Variants in INPP4B observed in about 807,000 individuals in gnomAD.
INPP4B encodes inositol polyphosphate 4-phosphatase type II.
INPP4B carries 55 observed loss-of-function variants against 122.5 expected under a neutral mutation model. The ratio of observed to expected loss-of-function variants is 0.45; its 90% CI spans 0.36 to 0.56. INPP4B has a LOEUF of 0.56. Among genes scored for constraint, INPP4B ranks in the 20% least tolerant of loss-of-function variants. The pLI is 0.00. For missense variants in INPP4B, 1,000 were observed against 1,097.7 expected, an observed-to-expected ratio of 0.91 and a Z score of 1.26; for synonymous variants, 403 against 388.7, an observed-to-expected ratio of 1.04 and a Z score of -0.43.
chr4:142,362,390 A>G (rs1244652668), intron 7 of INPP4B, among the ~76,000 whole-genome samples: 1 of 152,044 alleles, frequency 6.6e-6, no homozygotes, highest in African/African-American at 2.4e-5. Context: ...CACTGTGAAG[A>G]GAAAAGAGAA....
At chr4:142,377,085 A>G (rs1213868747) in intron 7 of INPP4B, among the ~76,000 whole-genome samples, 1 of 150,692 alleles carries the variant, frequency 6.6e-6, no homozygotes, top group East Asian at 2.0e-4. Context: ...CTTAAGCCTT[A>G]ATTCGATTTC....
intron 14 of INPP4B, among the ~76,000 whole-genome samples, chr4:142,207,406 T>A (rs1843006858): frequency 6.6e-6 from 1 of 152,184 alleles, no homozygotes; most frequent in African/African-American, 2.4e-5. Flanking sequence ...ACATTTTCAC[T>A]AACGGTGTAC....
At chr4:142,192,279 G>GT (rs1338556982) in intron 15 of INPP4B, among the ~76,000 whole-genome samples, 1 of 61,258 alleles carries the variant, frequency 1.6e-5, no homozygotes, top group African/African-American at 5.0e-5. Flanking sequence ...ATTCACCATG[G>GT]TTAAAAAAAA....
At chr4:142,336,061 C>T (rs186719832) in intron 7 of INPP4B, among the ~76,000 whole-genome samples, 1 of 152,236 alleles carries the variant, frequency 6.6e-6, no homozygotes, top group Non-Finnish European at 1.5e-5. Context: ...AAACCCCAGA[C>T]TCAGCTACCC....
intron 2 of INPP4B, among the ~76,000 whole-genome samples, chr4:142,489,197 A>G (rs1300323865): frequency 6.6e-6 from 1 of 152,130 alleles, no homozygotes; most frequent in South Asian, 2.1e-4. Context: ...GTTTAAATCT[A>G]CTGGACAGTA....
At chr4:142,039,969 T>C (rs561055616) in intron 25 of INPP4B, among the ~76,000 whole-genome samples, 1 of 152,242 alleles carries the variant, frequency 6.6e-6, no homozygotes, top group African/African-American at 2.4e-5. Flanking sequence ...CTGGAAGCAA[T>C]AGCTGCCTGA....
chr4:142,268,262 G>T (rs112365712), intron 10 of INPP4B, among the ~76,000 whole-genome samples: 6,310 of 132,422 alleles, frequency 0.048, 272 homozygotes, highest in East Asian at 0.23. Flanking sequence ...GGCAGAGCTT[G>T]AAGTGAGCCA....
At position 142,254,110 on chromosome 4, in the gene INPP4B, G is replaced by A. The variant is rs1173777441; in HGVS notation, c.688+6382C>T. Among the ~76,000 whole-genome samples, 10 of 151,980 alleles carry A rather than the reference G, an allele frequency of 6.6e-5. 1 individual carries two copies. The East Asian group carries it at 7.7e-4, about 12-fold the overall frequency. On this transcript the variant is annotated intron_variant, in intron 11 of 25. Coordinates refer to ENST00000262992, the MANE Select transcript of INPP4B (RefSeq NM_001101669.3). ...GCAGGGGCAGACTGACACCTCACACGGCCGGTACTCCAACAGACCTGCAGC... is the reference window on the plus strand; with the variant it reads ...GCAGGGGCAGACTGACACCTCACACAGCCGGTACTCCAACAGACCTGCAGC...
chr4:142,556,826 G>C (rs1048898925), intron 2 of INPP4B, among the ~76,000 whole-genome samples: 1 of 152,136 alleles, frequency 6.6e-6, no homozygotes, highest in African/African-American at 2.4e-5. Context: ...AAATTGCAGG[G>C]GAAAGTATCG....
intron 12 of INPP4B, among the ~76,000 whole-genome samples, chr4:142,232,946 A>G (rs1192160048): frequency 6.6e-6 from 1 of 152,198 alleles, no homozygotes; most frequent in African/African-American, 2.4e-5. Context: ...TCAATTCTAT[A>G]AAGGCTGAGA....
At chr4:142,561,380 G>T (rs1730433544) in intron 2 of INPP4B, among the ~76,000 whole-genome samples, 1 of 151,928 alleles carries the variant, frequency 6.6e-6, no homozygotes, top group Non-Finnish European at 1.5e-5. Context: ...AAGGAGAAAG[G>T]TTACATGACT....
intron 2 of INPP4B, among the ~76,000 whole-genome samples, chr4:142,564,454 AGAAAGAAAG>A (rs367586545): frequency 1.1e-3 from 125 of 118,982 alleles, no homozygotes; most frequent in African/African-American, 3.5e-3. Context: ...AAAAAAAAAA[AGAAAGAAAG>A]AAAGAAAGAA....
chr4:142,168,036 G>A (rs1823689600), intron 16 of INPP4B, among the ~76,000 whole-genome samples: 1 of 151,234 alleles, frequency 6.6e-6, no homozygotes, highest in African/African-American at 2.4e-5. Context: ...AGCCTAATAA[G>A]AAGTCTGCTA....
At chr4:142,473,649 G>C (rs1183458592) in intron 2 of INPP4B, among the ~76,000 whole-genome samples, 1 of 152,182 alleles carries the variant, frequency 6.6e-6, no homozygotes, top group East Asian at 1.9e-4. Context: ...GCTCCACCCA[G>C]CTCACTGGAC....
intron 25 of INPP4B, among the ~76,000 whole-genome samples, chr4:142,081,140 A>G (rs190555771): frequency 6.3e-4 from 96 of 152,296 alleles, no homozygotes; most frequent in Non-Finnish European, 1.1e-3. Flanking sequence ...AATGTCACCA[A>G]TGAAAGACTG....
intron 2 of INPP4B, among the ~76,000 whole-genome samples, chr4:142,619,509 A>C (rs538363648): frequency 6.6e-6 from 1 of 152,232 alleles, no homozygotes; most frequent in African/African-American, 2.4e-5. Context: ...ATGCTGGATA[A>C]TACTACTTAA....
intron 16 of INPP4B, among the ~76,000 whole-genome samples, chr4:142,166,774 A>G (rs2152927144): frequency 6.6e-6 from 1 of 152,068 alleles, no homozygotes; most frequent in African/African-American, 2.4e-5. Context: ...GTGGCCAATA[A>G]ACAGATAACA....
chr4:142,532,131 G>A (rs1191342742), intron 2 of INPP4B, among the ~76,000 whole-genome samples: 3 of 152,032 alleles, frequency 2.0e-5, no homozygotes, highest in Non-Finnish European at 4.4e-5. Context: ...TCTTAGAAAC[G>A]CAAATCAGGT....
chr4:142,567,198 T>A (rs1478284435), intron 2 of INPP4B, among the ~76,000 whole-genome samples: 1 of 152,208 alleles, frequency 6.6e-6, no homozygotes, highest in East Asian at 1.9e-4. Context: ...GGCAAAAGTG[T>A]TGCATTCTGA....
Sources: allele counts gnomAD v4.1 joint callset (sites outside exome capture counted in the v4.1 genomes callset), GRCh38; gene constraint gnomAD v4.1.1; transcripts MANE v1.5; gene names NCBI Gene and HGNC (gene_info 2026-07-23, HGNC 2026-07-21).